Variants in FGFR3 observed in about 807,000 individuals in gnomAD.
FGFR3 encodes the protein FGFR-3.
In FGFR3, 25 loss-of-function variants were observed where a neutral mutation model predicts 82.9. The observed-to-expected ratio is 0.30, with a 90% CI of 0.22 to 0.42. The LOEUF (loss-of-function observed/expected upper bound fraction) is 0.42, where lower values mean the gene tolerates loss of function less well. Among genes scored for constraint, FGFR3 ranks in the 10% least tolerant of loss-of-function variants. The pLI, the probability that FGFR3 is intolerant of heterozygous loss-of-function variation, is 1.00. For synonymous variants in FGFR3, 620 were observed against 516.0 expected (o/e 1.20, Z -2.73); for missense variants, 1,026 against 1,161.0 (o/e 0.88, Z 1.69).
At chr4:1,800,175 G>A (rs1186874801) in intron 4 of FGFR3, among the ~76,000 whole-genome samples, 1 of 152,096 alleles carries the variant, frequency 6.6e-6, no homozygotes, top group East Asian at 1.9e-4. Context: ...GCACTCAGGT[G>A]GCTGCCGTGG....
intron 2 of FGFR3, 60 bp from the exon 3 acceptor site, chr4:1,799,194 G>A: frequency 6.2e-7 from 1 of 1,610,090 alleles, no homozygotes; most frequent in East Asian, 2.2e-5. Context: ...CCACTGCTGT[G>A]TCTGTAAACG....
At chr4:1,802,449 T>G (rs1721309855) in intron 7 of FGFR3, among the ~76,000 whole-genome samples, 1 of 152,202 alleles carries the variant, frequency 6.6e-6, no homozygotes. Flanking sequence ...GCTCACTGTC[T>G]GCCCGCCTCC....
chr4:1,804,293 GGGGCCA>G, intron 8 of FGFR3, 31 bp from the exon 9 acceptor site: 1 of 1,552,882 alleles, frequency 6.4e-7, no homozygotes. Context: ...CGTGGGGGGG[GGGGCCA>G]GGCCAGGCCT....
At chr4:1,806,789 G>A (rs768197393) in intron 16 of FGFR3, 40 bp from the exon 17 acceptor site, 8 of 1,590,594 alleles carry the variant, frequency 5.0e-6, no homozygotes, top group Admixed American at 3.5e-5. Flanking sequence ...CGAATAAGGC[G>A]GGAAGCGGCG....
chr4:1,795,683 G>A (rs1352260491), intron 2 of FGFR3, among the ~76,000 whole-genome samples: 1 of 152,152 alleles, frequency 6.6e-6, no homozygotes, highest in Admixed American at 6.5e-5. Context: ...GCCCTGCCAG[G>A]ACAGCCCCCA....
chr4:1,803,563 T>G lies in FGFR3; in HGVS notation c.931-129T>G. 2.0e-6 allele frequency: 3 copies of G among 1,474,670 alleles called. No individual in the cohort carries two copies. The South Asian group carries it at 3.9e-5, about 19-fold the overall frequency. The allele number at this position is 1,474,670 out of a possible 1,614,324, so 91.3% of individuals were successfully genotyped here. A position where few individuals can be genotyped will look rare whatever the true frequency, so the allele number is the denominator to read the frequency against. On this transcript the variant is annotated intron_variant, in intron 7 of 17. Transcript: ENST00000440486. Reference sequence around the variant, plus strand: ...CCTCAGCCGCGTGGCGGTGACCAAGTTGGCGGTGGCTGAGGAGTTGGTGGT... The same window carrying G: ...CCTCAGCCGCGTGGCGGTGACCAAGGTGGCGGTGGCTGAGGAGTTGGTGGT...
chr4:1,803,878 G>A, intron 8 of FGFR3, 42 bp downstream of exon 8: 8 of 1,599,424 alleles, frequency 5.0e-6, no homozygotes, highest in African/African-American at 2.7e-5. Flanking sequence ...ACTGTCTGGG[G>A]GACGCTGGCT....
rs539616544 is a variant in FGFR3, at chr4:1,804,688, G to T, written c.1267-136G>T. The T allele has an allele frequency of 2.8e-6, 4 of 1,434,594 alleles. No homozygotes were observed. The East Asian group carries it at 7.2e-5, about 26-fold the overall frequency. The allele number at this position is 1,434,594 out of a possible 1,614,324, so 88.9% of individuals were successfully genotyped here. ...TAGAGCCTAGGGTACTTTGGGGCAC[G>T]AAACATTCTAAAAATCTTCATTCAA... On this transcript the variant is annotated intron_variant, in intron 9 of 17. Coordinates refer to ENST00000440486, the MANE Select transcript of FGFR3 (RefSeq NM_000142.5).
intron 7 of FGFR3, among the ~76,000 whole-genome samples, chr4:1,802,544 C>CT (rs1374573910): frequency 6.6e-6 from 1 of 152,216 alleles, no homozygotes; most frequent in African/African-American, 2.4e-5. Flanking sequence ...CAAAGAGAAA[C>CT]ATCTGTTCAG....
chr4:1,803,452 G>A (rs1163087101), intron 7 of FGFR3, among the ~76,000 whole-genome samples: 1 of 152,272 alleles, frequency 6.6e-6, no homozygotes, highest in African/African-American at 2.4e-5. Context: ...CATGCTGCCT[G>A]CCCGCCTGCC....
chr4:1,800,961 T>C (rs140370733), intron 4 of FGFR3, among the ~76,000 whole-genome samples: 10 of 152,270 alleles, frequency 6.6e-5, no homozygotes, highest in Non-Finnish European at 1.2e-4. Flanking sequence ...GGCTCCTGGC[T>C]CTGCAGGCGA....
intron 16 of FGFR3, 52 bp downstream of exon 16, chr4:1,806,735 C>T (rs530664840): frequency 3.9e-5 from 29 of 744,114 alleles, no homozygotes; most frequent in Middle Eastern, 4.6e-4. Flanking sequence ...GGGGTCCCTC[C>T]GGGGCTGGGC....
chr4:1,799,613 T>C (rs1026712684), intron 3 of FGFR3, 90 bp downstream of exon 3: 4 of 1,550,012 alleles, frequency 2.6e-6, no homozygotes, highest in Non-Finnish European at 3.5e-6. Flanking sequence ...TGGGGGTCTC[T>C]CTGGTCATTG....
rs1438569324 is a variant in FGFR3 at position 1,804,897 on chromosome 4, A to G, written c.1340A>G (p.Glu447Gly). ...LVRIARLSSG[E>G]GPTLANVSEL... ...CGCATCGCAAGGCTGTCCTCAGGGGAGGGCCCCACGCTGGCCAATGTCTCC... is the reference window on the plus strand; with the variant it reads ...CGCATCGCAAGGCTGTCCTCAGGGGGGGGCCCCACGCTGGCCAATGTCTCC... The change falls in exon 10 of 18, where the codon GAG becomes GGG. Residue 447 changes from glutamate (E) to glycine (G), a missense_variant. Glu to Gly is a moderately conservative substitution (Grantham distance 98). Transcript: ENST00000440486. 1 of 1,549,700 alleles carries G rather than the reference A, an allele frequency of 6.5e-7. No homozygotes were observed. Among genetic ancestry groups the G allele is most frequent in the Non-Finnish European group, 8.7e-7 (1 of 1,146,880 alleles).
intron 2 of FGFR3, among the ~76,000 whole-genome samples, chr4:1,798,083 G>A (rs976522950): frequency 6.6e-6 from 1 of 151,932 alleles, no homozygotes; most frequent in Admixed American, 6.5e-5. Context: ...CCCTGGCAGG[G>A]AAGCCTAGGG....
Position 1,805,562 on chromosome 4 carries a change from A to T in FGFR3, c.1538A>T (p.Asp513Val). ...VTVAVKMLKD[D>V]ATDKDLSDLV... ...AGGCCCCCCGCTCCGTGCACAGACGATGCCACTGACAAGGACCTGTCGGAC... is the reference window on the plus strand; with the variant it reads ...AGGCCCCCCGCTCCGTGCACAGACGTTGCCACTGACAAGGACCTGTCGGAC... Residue 513 changes from aspartate (D) to valine (V), a missense_variant, in exon 12 of 18, where the codon GAT becomes GTT. Around this residue, in one of 9 missense-constraint regions of FGFR3, gnomAD observed 164 missense variants for 167.5 expected, o/e 0.98. Coordinates refer to ENST00000440486, the MANE Select transcript of FGFR3 (RefSeq NM_000142.5). 2.5e-6 allele frequency: 4 copies of T among 1,613,132 alleles called. No individual in the cohort carries two copies. The highest frequency in any genetic ancestry group is 3.4e-6 in the Non-Finnish European group (4 of 1,179,822).
Position 1,806,621 on chromosome 4 carries a change from G to A in FGFR3, c.2106G>A (p.Glu702=), listed in dbSNP as rs1260127924. 1.2e-5 allele frequency: 20 copies of A among 1,613,048 alleles called. No individual in the cohort carries two copies. The highest frequency in any genetic ancestry group is 1.7e-5 in the Non-Finnish European group (20 of 1,179,960). The change falls in exon 16 of 18, where the codon GAG becomes GAA. Residue 702 remains glutamate, a synonymous_variant. Transcript: ENST00000440486. ...GSPYPGIPVE[E]LFKLLKEGHR... ...CGTACCCCGGCATCCCTGTGGAGGA[G>A]CTCTTCAAGCTGCTGAAGGAGGGCC... is the stretch of plus-strand genomic sequence containing the variant.
chr4:1,804,847 C>T lies in FGFR3; in HGVS notation c.1290C>T (p.Ser430=), dbSNP rs3135891. The T allele has an allele frequency of 5.6e-4, 863 of 1,550,056 alleles. 11 individuals are homozygous for T. In the South Asian group the frequency reaches 9.7e-3, roughly 17 times the overall value. The change falls in exon 10 of 18, where the codon TCC becomes TCT. Residue 430 remains serine (S), a synonymous_variant. Transcript: ENST00000440486. ...KRQVSLESNA[S]MSSNTPLVRI... Reference sequence around the variant, plus strand: ...AGGTGTCCCTGGAGTCCAACGCGTCCATGAGCTCCAACACACCACTGGTGC... The same window carrying T: ...AGGTGTCCCTGGAGTCCAACGCGTCTATGAGCTCCAACACACCACTGGTGC...
chr4:1,803,579 A>G, intron 7 of FGFR3, 113 bp from the exon 8 acceptor site: 1 of 1,511,062 alleles, frequency 6.6e-7, no homozygotes, highest in Non-Finnish European at 8.9e-7. Flanking sequence ...GTGGCTGAGG[A>G]GTTGGTGGTG....
Sources: allele counts gnomAD v4.1 joint callset (sites outside exome capture counted in the v4.1 genomes callset), GRCh38; gene constraint gnomAD v4.1.1; regional missense constraint gnomAD v4.1.1; transcripts MANE v1.5; gene names NCBI Gene and HGNC (gene_info 2026-07-23, HGNC 2026-07-21).